The following NCBP2 variants were observed in gnomAD, a reference collection of about 807,000 sequenced individuals.
NCBP2 encodes nuclear cap-binding protein subunit 2.
Under a neutral mutation model 21.5 loss-of-function variants are expected in NCBP2, and 8 were observed. The observed-to-expected ratio is 0.37, with a 90% CI of 0.22 to 0.67. The LOEUF is 0.67. Ranked by LOEUF, NCBP2 falls within the 30% of genes least tolerant of loss-of-function variation. NCBP2 has a pLI of 0.56. For missense variants in NCBP2, 127 were observed against 206.9 expected, an observed-to-expected ratio of 0.61 and a Z score of 2.37; for synonymous variants, 92 against 75.8, an observed-to-expected ratio of 1.21 and a Z score of -1.11.
In NCBP2 at chr3:196,939,454, A is replaced by G. The variant is rs550737007; in HGVS notation, c.79-22T>C. Reference sequence around the variant, plus strand: ...CACCCTAGAATTTCAAATAGAGACAAAAGTTAAGCAACTTCAGAGCCTTGC... The same window carrying G: ...CACCCTAGAATTTCAAATAGAGACAGAAGTTAAGCAACTTCAGAGCCTTGC... On this transcript the variant is annotated intron_variant, in intron 1 of 3. Transcript: ENST00000321256. 30 of 1,531,952 alleles carry G rather than the reference A, an allele frequency of 2.0e-5. No individual in the cohort carries two copies. In the African/African-American group the frequency reaches 3.7e-4, roughly 19 times the overall value. The allele number at this position is 1,531,952 out of a possible 1,614,324, so 94.9% of individuals were successfully genotyped here.
chr3:196,940,420 GT>G (rs58308819), intron 1 of NCBP2, among the ~76,000 whole-genome samples: 32,641 of 151,916 alleles, frequency 0.21, 4,276 homozygotes, highest in East Asian at 0.73. Context: ...TTAAAAAGAG[GT>G]TTTCGGAACT....
At chr3:196,941,750 T>TCC in intron 1 of NCBP2, 1 of 642,928 alleles carries the variant, frequency 1.6e-6, no homozygotes. Context: ...ATCTGCTGCC[T>TCC]CCCCTTTTTC....
At chr3:196,941,056 A>G (rs1716527446) in intron 1 of NCBP2, 2 of 152,186 alleles carry the variant, frequency 1.3e-5, no homozygotes, top group Non-Finnish European at 2.9e-5. Context: ...AGCCTAGGCA[A>G]TAAAGCGAGA....
intron 1 of NCBP2, chr3:196,941,990 G>A: frequency 6.5e-7 from 1 of 1,536,266 alleles, no homozygotes; most frequent in East Asian, 2.4e-5. Flanking sequence ...ATCGCCGAAG[G>A]GCACTGCTTC....
At chr3:196,940,576 C>T (rs1168088732) in intron 1 of NCBP2, among the ~76,000 whole-genome samples, 1 of 152,148 alleles carries the variant, frequency 6.6e-6, no homozygotes, top group Non-Finnish European at 1.5e-5. Flanking sequence ...TTTAAGATAA[C>T]TGTGGTGTAA....
At chr3:196,941,754 CT>C in intron 1 of NCBP2, 4 of 693,364 alleles carry the variant, frequency 5.8e-6, no homozygotes, top group Non-Finnish European at 9.5e-6. Context: ...GCTGCCTCCC[CT>C]TTTTCCACAA....
intron 1 of NCBP2, chr3:196,939,767 C>G (rs141760904): frequency 8.6e-4 from 185 of 214,964 alleles, no homozygotes; most frequent in African/African-American, 3.9e-3. Flanking sequence ...GACTCTGGAC[C>G]TTGACCCAAT....
intron 1 of NCBP2, among the ~76,000 whole-genome samples, chr3:196,939,695 C>T (rs480998): frequency 0.6 from 91,849 of 152,148 alleles, 29,850 homozygotes; most frequent in East Asian, 0.9. Context: ...GCCACGCAAG[C>T]GGCTTCCCTT....
In NCBP2 at chr3:196,937,534, G is replaced by A. The variant is rs765992483; in HGVS notation, c.375C>T (p.Tyr125=). The change falls in exon 3 of 4, where the codon TAC becomes TAT. Residue 125 remains tyrosine, a synonymous_variant. Coordinates refer to ENST00000321256, the MANE Select transcript of NCBP2 (RefSeq NM_007362.5). The part of the protein sequence containing the change: ...WDAGFKEGRQ[Y]GRGRSGGQVR... ...CCTGGCCCCCAGATCGCCCACGGCC[G>A]TATTGCCTGCCCTCCTTAAAGCCTG... 3.2e-5 allele frequency: 51 copies of A among 1,614,104 alleles called. No homozygotes were observed. Among genetic ancestry groups the A allele is most frequent in the Non-Finnish European group, 3.6e-5 (43 of 1,180,050 alleles).
chr3:196,937,003 C>G lies in NCBP2; in HGVS notation c.*8G>C. 6.2e-7 allele frequency: 1 copy of G among 1,613,938 alleles called. No individual in the cohort carries two copies. Among genetic ancestry groups the G allele is most frequent in the Non-Finnish European group, 8.5e-7 (1 of 1,179,816 alleles). ...AGGAGTGTTTGTCACTGACAGAGCT[C>G]TCACCACTCACTGGTTCTGTGCCAG... On this transcript the variant is annotated 3_prime_UTR_variant, in exon 4 of 4. Transcript: ENST00000321256.
chr3:196,941,703 C>T (rs1716583443), intron 1 of NCBP2: 2 of 535,842 alleles, frequency 3.7e-6, no homozygotes, highest in South Asian at 2.1e-5. Flanking sequence ...CGTATTCCAT[C>T]CCTACCTCCG....
chr3:196,938,723 C>A (rs540911346), intron 2 of NCBP2: 17 of 152,696 alleles, frequency 1.1e-4, no homozygotes, highest in African/African-American at 4.1e-4. Flanking sequence ...ATCTTGGGCT[C>A]AACTGATCCT....
chr3:196,937,189 T>A, intron 3 of NCBP2, 107 bp from the exon 4 acceptor site: 1 of 1,102,720 alleles, frequency 9.1e-7, no homozygotes, highest in Non-Finnish European at 1.4e-6. Flanking sequence ...GATGCCACAA[T>A]GTGAACATTT....
chr3:196,940,348 GACA>G (rs1482000050), intron 1 of NCBP2, among the ~76,000 whole-genome samples: 1 of 150,918 alleles, frequency 6.6e-6, no homozygotes, highest in Admixed American at 6.6e-5. Flanking sequence ...CTTGAGCCTG[GACA>G]ACAAGAGTGA....
chr3:196,937,956 G>A, intron 2 of NCBP2: 1 of 309,956 alleles, frequency 3.2e-6, no homozygotes, highest in Non-Finnish European at 6.2e-6. Flanking sequence ...CAAGAAACCA[G>A]TGCTGTATAT....
intron 1 of NCBP2, chr3:196,941,950 T>C: frequency 6.5e-7 from 1 of 1,536,262 alleles, no homozygotes. Flanking sequence ...ACAGCTTCCG[T>C]AACACCATCC....
intron 1 of NCBP2, chr3:196,941,726 AG>A (rs1716585447): frequency 1.6e-6 from 1 of 618,058 alleles, no homozygotes. Flanking sequence ...GATACTGAAA[AG>A]TCTACTTTGA....
intron 1 of NCBP2, chr3:196,941,794 A>T (rs535393627): frequency 9.8e-7 from 1 of 1,022,732 alleles, no homozygotes; most frequent in African/African-American, 1.6e-5. Flanking sequence ...CCGGACTAAA[A>T]ATTTCCCTCT....
chr3:196,940,444 A>T (rs1396486619), intron 1 of NCBP2, among the ~76,000 whole-genome samples: 1 of 152,162 alleles, frequency 6.6e-6, no homozygotes, highest in African/African-American at 2.4e-5. Context: ...GGAGTGAGAC[A>T]TTAGAGAAAG....
Sources: gnomAD v4.1 joint callset for allele counts (sites outside exome capture counted in the v4.1 genomes callset) on GRCh38, gnomAD v4.1.1 for gene constraint, MANE v1.5 for transcripts, NCBI Gene and HGNC (gene_info 2026-07-23, HGNC 2026-07-21) for gene names.